Variants in WWOX observed in about 807,000 individuals in gnomAD.
WWOX encodes the protein WW domain-containing oxidoreductase.
Under a neutral mutation model 46.2 loss-of-function variants are expected in WWOX, and 69 were observed. The ratio of observed to expected loss-of-function variants is 1.49; its 90% confidence interval spans 1.23 to 1.82. The LOEUF (loss-of-function observed/expected upper bound fraction) is 1.82. WWOX is among the 40% of genes most tolerant of loss of function. WWOX has a pLI of 0.00. For missense variants in WWOX, 919 were observed against 542.6 expected (o/e 1.69, Z -6.89); for synonymous variants, 359 against 202.6 (o/e 1.77, Z -6.56).
intron 8 of WWOX, among the ~76,000 whole-genome samples, chr16:78,616,088 T>C (rs1430357942): frequency 2.0e-5 from 3 of 152,122 alleles, no homozygotes; most frequent in African/African-American, 7.2e-5. Flanking sequence ...TAGCTATTCT[T>C]CTCACTTCCT....
intron 8 of WWOX, among the ~76,000 whole-genome samples, chr16:78,921,942 C>T (rs775430853): frequency 1.4e-4 from 21 of 152,124 alleles, no homozygotes; most frequent in South Asian, 2.1e-4. Context: ...AAAATTAGAT[C>T]GGGGAAGAGA....
At chr16:78,825,955 G>T (rs1443661168) in intron 8 of WWOX, 3 of 794,176 alleles carry the variant, frequency 3.8e-6, no homozygotes, top group Non-Finnish European at 6.0e-6. Flanking sequence ...CAGAACAGAA[G>T]GGTGGGAAGC....
At chr16:78,665,897 C>T (rs1254291442) in intron 8 of WWOX, among the ~76,000 whole-genome samples, 1 of 151,994 alleles carries the variant, frequency 6.6e-6, no homozygotes, top group African/African-American at 2.4e-5. Flanking sequence ...GTTGGCCAGG[C>T]TGGTCTTGAA....
chr16:78,145,593 C>T (rs1346715844), intron 4 of WWOX, among the ~76,000 whole-genome samples: 1 of 152,188 alleles, frequency 6.6e-6, no homozygotes, highest in Non-Finnish European at 1.5e-5. Context: ...GTCTGTCTCT[C>T]TTCATCCGCT....
At chr16:78,818,630 C>G (rs2051408360) in intron 8 of WWOX, among the ~76,000 whole-genome samples, 1 of 152,214 alleles carries the variant, frequency 6.6e-6, no homozygotes, top group South Asian at 2.1e-4. Context: ...ACTCAGGAGA[C>G]TGAGGCAGGA....
intron 8 of WWOX, among the ~76,000 whole-genome samples, chr16:78,773,314 C>T (rs930173342): frequency 1.3e-5 from 2 of 152,172 alleles, no homozygotes; most frequent in African/African-American, 4.8e-5. Flanking sequence ...GACTGTCAGT[C>T]ATTAGCACTC....
At chr16:78,448,363 C>A (rs960408658) in intron 8 of WWOX, among the ~76,000 whole-genome samples, 2 of 152,168 alleles carry the variant, frequency 1.3e-5, no homozygotes, top group African/African-American at 2.4e-5. Context: ...CAGGTTAATA[C>A]AATGCACATT....
Position 78,889,287 on chromosome 16 carries a change from T to C in WWOX, c.1057-322321T>C, listed in dbSNP as rs1288762297. ...TGTTCATATCTAATTATTTTCACAC[T>C]GCAATGGTGCATAGTCAAATGCTTT... On this transcript the variant is annotated intron_variant, in intron 8 of 8. Transcript: ENST00000566780. Among the ~76,000 whole-genome samples, 5 of 152,164 alleles carry C rather than the reference T, an allele frequency of 3.3e-5. No homozygotes were observed. In the East Asian group the frequency reaches 9.7e-4, roughly 29 times the overall value.
intron 8 of WWOX, among the ~76,000 whole-genome samples, chr16:78,706,806 T>A (rs2048337055): frequency 6.6e-6 from 1 of 151,342 alleles, no homozygotes; most frequent in Non-Finnish European, 1.5e-5. Flanking sequence ...ACAAACTACC[T>A]TTTTTTTTGG....
chr16:78,548,553 A>G (rs538133441), intron 8 of WWOX, among the ~76,000 whole-genome samples: 1 of 152,220 alleles, frequency 6.6e-6, no homozygotes, highest in Non-Finnish European at 1.5e-5. Flanking sequence ...TGGATGAATC[A>G]TATTTTTAAC....
intron 8 of WWOX, among the ~76,000 whole-genome samples, chr16:78,921,290 T>C (rs1271179320): frequency 6.6e-6 from 1 of 152,206 alleles, no homozygotes; most frequent in Non-Finnish European, 1.5e-5. Flanking sequence ...CCGCATTTAT[T>C]TTGCCATTAC....
At chr16:78,872,527 G>T (rs1224755411) in intron 8 of WWOX, among the ~76,000 whole-genome samples, 5 of 152,194 alleles carry the variant, frequency 3.3e-5, no homozygotes, top group Admixed American at 3.3e-4. Context: ...CCTTGAACAA[G>T]TGCATTAATC....
At chr16:78,409,320 A>G (rs1365271665) in intron 6 of WWOX, among the ~76,000 whole-genome samples, 2 of 152,234 alleles carry the variant, frequency 1.3e-5, no homozygotes, top group Admixed American at 6.5e-5. Context: ...GTCAAGATAC[A>G]GAACAGTGCC....
intron 8 of WWOX, among the ~76,000 whole-genome samples, chr16:79,165,297 C>T (rs1360405658): frequency 6.6e-6 from 1 of 152,126 alleles, no homozygotes; most frequent in Non-Finnish European, 1.5e-5. Context: ...TGTGTGTGTG[C>T]ACACATGGGT....
chr16:78,600,033 T>C (rs1277417169), intron 8 of WWOX, among the ~76,000 whole-genome samples: 4 of 152,098 alleles, frequency 2.6e-5, no homozygotes, highest in African/African-American at 7.2e-5. Flanking sequence ...CTCACAACCA[T>C]GGTGGAAGGC....
At chr16:78,260,296 C>G (rs190055489) in intron 5 of WWOX, among the ~76,000 whole-genome samples, 1 of 151,688 alleles carries the variant, frequency 6.6e-6, no homozygotes, top group Admixed American at 6.6e-5. Context: ...AACAACATCA[C>G]TAACAAACAA....
intron 8 of WWOX, among the ~76,000 whole-genome samples, chr16:78,691,838 T>C (rs1022559892): frequency 1.3e-5 from 2 of 152,192 alleles, no homozygotes; most frequent in Admixed American, 6.5e-5. Context: ...AAATCTCAAC[T>C]TGAATTGTAT....
intron 8 of WWOX, among the ~76,000 whole-genome samples, chr16:78,908,446 A>G (rs370270628): frequency 6.6e-6 from 1 of 151,948 alleles, no homozygotes; most frequent in East Asian, 1.9e-4. Context: ...AGGCAGAGGC[A>G]GGAGAACTGC....
chr16:78,333,751 G>T (rs755585509), intron 5 of WWOX, among the ~76,000 whole-genome samples: 7 of 152,138 alleles, frequency 4.6e-5, no homozygotes, highest in Non-Finnish European at 1.0e-4. Context: ...TGGTTCCTCT[G>T]TTCAGCAAAC....
Sources: allele counts gnomAD v4.1 joint callset (sites outside exome capture counted in the v4.1 genomes callset), GRCh38; gene constraint gnomAD v4.1.1; transcripts MANE v1.5; gene names NCBI Gene and HGNC (gene_info 2026-07-23, HGNC 2026-07-21).